TMEM132C: variants seen among roughly 807,000 people sequenced by gnomAD.
The protein encoded by TMEM132C is transmembrane protein 132C.
In TMEM132C, 29 loss-of-function variants were observed where a neutral mutation model predicts 61.4. That is an observed-to-expected ratio of 0.47 (90% confidence interval 0.35 to 0.64). The LOEUF (loss-of-function observed/expected upper bound fraction) is 0.64. Ranked by LOEUF, TMEM132C falls within the 30% of genes least tolerant of loss-of-function variation. TMEM132C has a pLI of 0.00. For missense variants in TMEM132C, 1,408 were observed against 1,476.9 expected (o/e 0.95, Z 0.76); for synonymous variants, 656 against 633.1 (o/e 1.04, Z -0.54).
rs540700786 is a variant in TMEM132C at position 128,539,173 on chromosome 12, C to T, written c.975-4784C>T. On this transcript the variant is annotated intron_variant, in intron 2 of 8. Transcript: ENST00000435159. ...GCTGTTATTCAAGGACCTCTCTTCACCATCAACCTGGGATTCTTTCCACGT... is the reference window on the plus strand; with the variant it reads ...GCTGTTATTCAAGGACCTCTCTTCATCATCAACCTGGGATTCTTTCCACGT... Among the ~76,000 whole-genome samples, 7 of 152,318 alleles carry T rather than the reference C, an allele frequency of 4.6e-5. No homozygotes were observed. The South Asian group carries it at 1.4e-3, about 32-fold the overall frequency.
chr12:128,365,267 C>T (rs1324821846), intron 1 of TMEM132C, among the ~76,000 whole-genome samples: 1 of 152,166 alleles, frequency 6.6e-6, no homozygotes, highest in Non-Finnish European at 1.5e-5. Flanking sequence ...TCCAAGTGCT[C>T]ATGATGTAGA....
intron 1 of TMEM132C, among the ~76,000 whole-genome samples, chr12:128,287,503 A>G (rs1020515795): frequency 2.0e-5 from 3 of 147,882 alleles, no homozygotes; most frequent in African/African-American, 7.3e-5. Flanking sequence ...ATCTATATCT[A>G]TATCTATATC....
chr12:128,643,288 C>T (rs768726770), intron 4 of TMEM132C, among the ~76,000 whole-genome samples: 1 of 152,128 alleles, frequency 6.6e-6, no homozygotes, highest in Non-Finnish European at 1.5e-5. Context: ...CACTAATTTG[C>T]AAAAGGTTTG....
rs1870927180 is a variant in TMEM132C at position 128,282,411 on chromosome 12, A to G, written c.85+14924A>G. Among the ~76,000 whole-genome samples the G allele has an allele frequency of 2.0e-5, 3 of 152,244 alleles. No individual in the cohort carries two copies. In the South Asian group the frequency reaches 6.2e-4, roughly 31 times the overall value. On this transcript the variant is annotated intron_variant, in intron 1 of 8. Transcript: ENST00000435159. Reference sequence around the variant, plus strand: ...TTACAATCATGGCAGAAGGCAAAGGAGAAGCAAGTACCTTTTTCACATGGT... The same window carrying G: ...TTACAATCATGGCAGAAGGCAAAGGGGAAGCAAGTACCTTTTTCACATGGT...
At chr12:128,542,609 C>T (rs1049468184) in intron 2 of TMEM132C, among the ~76,000 whole-genome samples, 1 of 152,112 alleles carries the variant, frequency 6.6e-6, no homozygotes, top group East Asian at 1.9e-4. Flanking sequence ...CACCTGTAAT[C>T]CCAGCACTTT....
At chr12:128,409,350 T>G (rs1593043000) in intron 1 of TMEM132C, among the ~76,000 whole-genome samples, 2 of 152,256 alleles carry the variant, frequency 1.3e-5, no homozygotes, top group African/African-American at 2.4e-5. Flanking sequence ...ATTCAGCAAC[T>G]TAGCCAGCTG....
chr12:128,525,326 C>CTT (rs1245878625), intron 2 of TMEM132C, among the ~76,000 whole-genome samples: 152 of 148,370 alleles, frequency 1.0e-3, no homozygotes, highest in African/African-American at 3.8e-3. Flanking sequence ...ACTTCTCTCT[C>CTT]TCTCTCTCTC....
chr12:128,357,870 T>G (rs1182980360), intron 1 of TMEM132C, among the ~76,000 whole-genome samples: 1 of 140,178 alleles, frequency 7.1e-6, no homozygotes, highest in Non-Finnish European at 1.6e-5. Context: ...CCACAGCACA[T>G]CACACACACA....
chr12:128,430,281 A>G (rs1054029207), intron 2 of TMEM132C, among the ~76,000 whole-genome samples: 3 of 152,190 alleles, frequency 2.0e-5, no homozygotes, highest in African/African-American at 7.2e-5. Context: ...TCCCTATGGC[A>G]TTGGATACCA....
chr12:128,331,910 A>C (rs1306512472), intron 1 of TMEM132C, among the ~76,000 whole-genome samples: 1 of 152,240 alleles, frequency 6.6e-6, no homozygotes, highest in Non-Finnish European at 1.5e-5. Flanking sequence ...AACCACAAGC[A>C]ACAAAGTTGC....
intron 1 of TMEM132C, among the ~76,000 whole-genome samples, chr12:128,361,533 T>C (rs1873708453): frequency 6.6e-6 from 1 of 152,212 alleles, no homozygotes. Context: ...TTGGTGGTCT[T>C]GAAATACTTT....
intron 1 of TMEM132C, among the ~76,000 whole-genome samples, chr12:128,281,821 C>T (rs1335767007): frequency 6.6e-6 from 1 of 152,184 alleles, no homozygotes; most frequent in African/African-American, 2.4e-5. Context: ...ATTCCAGCTC[C>T]CACTGACCTT....
intron 5 of TMEM132C, among the ~76,000 whole-genome samples, chr12:128,692,138 T>G (rs1449880031): frequency 6.6e-6 from 1 of 151,784 alleles, no homozygotes; most frequent in African/African-American, 2.4e-5. Flanking sequence ...CATCTGTCTA[T>G]TCATCTACCC....
intron 3 of TMEM132C, among the ~76,000 whole-genome samples, chr12:128,558,879 A>G (rs1452101843): frequency 1.3e-5 from 2 of 152,226 alleles, no homozygotes; most frequent in Non-Finnish European, 2.9e-5. Flanking sequence ...CACTTTCCTA[A>G]GGTATATTCC....
chr12:128,631,984 T>C (rs927583548), intron 4 of TMEM132C, among the ~76,000 whole-genome samples: 1 of 152,044 alleles, frequency 6.6e-6, no homozygotes, highest in African/African-American at 2.4e-5. Flanking sequence ...GCCAAAATAA[T>C]TGGAGTGGGG....
In TMEM132C at chr12:128,669,000, G is replaced by A. The variant is rs187832740; in HGVS notation, c.1306-417G>A. Among the ~76,000 whole-genome samples, 59 of 152,234 alleles carry A rather than the reference G, an allele frequency of 3.9e-4. 1 individual carries two copies. The highest frequency in any genetic ancestry group is 2.2e-3 in the Admixed American group (33 of 15,298). ...ATGTAAGGTAACATTCACAAATCCC[G>A]GAGATTAGAGCATGGATATCTTTTG... is the stretch of plus-strand genomic sequence containing the variant. On this transcript the variant is annotated intron_variant, in intron 4 of 8. Coordinates refer to ENST00000435159, the MANE Select transcript of TMEM132C (RefSeq NM_001136103.3).
chr12:128,596,749 G>T (rs1875966882), intron 3 of TMEM132C, among the ~76,000 whole-genome samples: 1 of 152,234 alleles, frequency 6.6e-6, no homozygotes, highest in South Asian at 2.1e-4. Context: ...AGGTGGCAGG[G>T]CTTAAAGAAC....
intron 3 of TMEM132C, among the ~76,000 whole-genome samples, chr12:128,576,933 T>G (rs547707702): frequency 3.3e-5 from 5 of 150,110 alleles, no homozygotes; most frequent in African/African-American, 1.2e-4. Flanking sequence ...GAGATACAAT[T>G]CACATATTTA....
At chr12:128,434,112 C>G (rs987206603) in intron 2 of TMEM132C, among the ~76,000 whole-genome samples, 1 of 152,166 alleles carries the variant, frequency 6.6e-6, no homozygotes, top group Non-Finnish European at 1.5e-5. Flanking sequence ...TGGCTGCTCT[C>G]CTAGGGTGGG....
Sources: gnomAD v4.1 joint callset for allele counts (sites outside exome capture counted in the v4.1 genomes callset) on GRCh38, gnomAD v4.1.1 for gene constraint, MANE v1.5 for transcripts, NCBI Gene and HGNC (gene_info 2026-07-23, HGNC 2026-07-21) for gene names.